UBR2: variants seen among roughly 807,000 people sequenced by gnomAD.
UBR2 encodes E3 ubiquitin-protein ligase UBR2.
A neutral mutation model predicts 247.9 loss-of-function variants in UBR2; 92 were observed. That is an observed-to-expected ratio of 0.37 (90% CI 0.31 to 0.44). The LOEUF is 0.44. UBR2 is among the 20% of genes least tolerant of loss of function. The pLI is 1.00. For synonymous variants in UBR2, 672 were observed against 693.5 expected (o/e 0.97, Z 0.49); for missense variants, 1,613 against 2,112.6 (o/e 0.76, Z 4.64).
intron 34 of UBR2, among the ~76,000 whole-genome samples, chr6:42,667,860 A>G (rs1798211857): frequency 6.6e-6 from 1 of 151,032 alleles, no homozygotes; most frequent in African/African-American, 2.4e-5. Flanking sequence ...CCGGGTTCAA[A>G]CAATTCTCCT....
In UBR2 at chr6:42,686,602, C is replaced by T. The variant is rs192271992; in HGVS notation, c.4854-1614C>T. 2.0e-5 allele frequency among the ~76,000 whole-genome samples: 3 copies of T among 152,398 alleles called. 1 individual carries two copies. In the East Asian group the frequency reaches 5.8e-4, roughly 29 times the overall value. On this transcript the variant is annotated intron_variant, in intron 44 of 46. Transcript: ENST00000372901. Reference sequence around the variant, plus strand: ...TCAATGAGCTGTTGGTTGCACCTCCCAGATGGGGTGGCGGCCAGGTAGAGA... The same window carrying T: ...TCAATGAGCTGTTGGTTGCACCTCCTAGATGGGGTGGCGGCCAGGTAGAGA...
At chr6:42,644,638 G>T (rs1796650602) in intron 20 of UBR2, 102 bp downstream of exon 20, 1 of 947,484 alleles carries the variant, frequency 1.1e-6, no homozygotes, top group East Asian at 2.5e-5. Context: ...TTGAGAGGAT[G>T]CTCAGTCTTA....
chr6:42,676,940 G>A (rs1050458034), intron 40 of UBR2, 67 bp downstream of exon 40: 3 of 1,319,766 alleles, frequency 2.3e-6, no homozygotes, highest in African/African-American at 2.9e-5. Flanking sequence ...CATGAGAAAG[G>A]AATTCGTTTG....
chr6:42,685,264 T>C (rs1352233963), intron 44 of UBR2, among the ~76,000 whole-genome samples: 1 of 152,142 alleles, frequency 6.6e-6, no homozygotes, highest in Non-Finnish European at 1.5e-5. Flanking sequence ...TGAGCCAAGA[T>C]TGAGCAATTA....
In UBR2 at chr6:42,691,239, G is replaced by GAA; in HGVS notation, c.*67_*68dup. ...CCCAGTTGGCTTTTTAAGAAAGAAA[G>GAA]AAGTTCTGCTGAATTTGGAAATAAA... On this transcript the variant is annotated 3_prime_UTR_variant, in exon 47 of 47. Transcript: ENST00000372901. The GAA allele has an allele frequency of 1.3e-6, 2 of 1,575,018 alleles. No homozygotes were observed. Among genetic ancestry groups the GAA allele is most frequent in the Non-Finnish European group, 1.7e-6 (2 of 1,163,514 alleles).
chr6:42,587,778 TTA>T (rs1792389819), intron 2 of UBR2, among the ~76,000 whole-genome samples: 1 of 152,246 alleles, frequency 6.6e-6, no homozygotes, highest in South Asian at 2.1e-4. Context: ...TTATCTCAGT[TTA>T]TGTTTATCTG....
At chr6:42,614,198 AAAAAAAAC>A (rs1164755552) in intron 8 of UBR2, among the ~76,000 whole-genome samples, 4,391 of 41,404 alleles carry the variant, frequency 0.11, 373 homozygotes, top group African/African-American at 0.16. Flanking sequence ...AAAAAAAAAA[AAAAAAAAC>A]TATATATATA....
chr6:42,659,021 C>G lies in UBR2; in HGVS notation c.3242+197C>G, dbSNP rs1214366376. Among the ~76,000 whole-genome samples the G allele has an allele frequency of 6.6e-6, 1 of 151,862 alleles. No individual in the cohort carries two copies. The highest frequency in any genetic ancestry group is 2.4e-5 in the African/African-American group (1 of 41,290). On this transcript the variant is annotated intron_variant, in intron 29 of 46. Coordinates refer to ENST00000372901, the MANE Select transcript of UBR2 (RefSeq NM_001363705.2). The surrounding 1 kb of genome is among the most constrained non-coding windows in gnomAD (Gnocchi z 4.3). Reference sequence around the variant, plus strand: ...TAGGTATGGTAAGTCCTGTGTACACCTGGTAGGGTATTTTCTGCAGAAGAC... The same window carrying G: ...TAGGTATGGTAAGTCCTGTGTACACGTGGTAGGGTATTTTCTGCAGAAGAC...
chr6:42,623,026 A>G (rs1211757053), intron 11 of UBR2, among the ~76,000 whole-genome samples: 1 of 152,138 alleles, frequency 6.6e-6, no homozygotes, highest in Admixed American at 6.6e-5. Flanking sequence ...TCATTCATGA[A>G]TAACAGCAGT....
chr6:42,679,626 CTT>C (rs1798912672), intron 41 of UBR2, 96 bp from the exon 42 acceptor site: 4 of 889,104 alleles, frequency 4.5e-6, no homozygotes, highest in Non-Finnish European at 7.1e-6. Flanking sequence ...AATTGGAAGT[CTT>C]TCATCCTTTT....
chr6:42,675,443 C>T (rs1307322645), intron 38 of UBR2, among the ~76,000 whole-genome samples: 1 of 152,190 alleles, frequency 6.6e-6, no homozygotes, highest in African/African-American at 2.4e-5. Flanking sequence ...GTTTTTTCAA[C>T]TGCCTACAGT....
intron 36 of UBR2, among the ~76,000 whole-genome samples, chr6:42,672,890 CT>C (rs1798526697): frequency 6.6e-6 from 1 of 152,120 alleles, no homozygotes; most frequent in African/African-American, 2.4e-5. Flanking sequence ...GAACCAAGAC[CT>C]AGTGTATATA....
rs1303199238 is a variant in UBR2, at chr6:42,614,404, GTATGTATGTACGTACGTACATATA to G, written c.986-651_986-628del. The stretch of plus-strand genomic sequence containing the variant: ...TATATGTATGTACGTACATACATAC[GTATGTATGTACGTACGTACATATA>G]TATGTATGTACGTACATATATATGT... On this transcript the variant is annotated intron_variant, in intron 8 of 46. Coordinates refer to ENST00000372901, the MANE Select transcript of UBR2 (RefSeq NM_001363705.2). Among the ~76,000 whole-genome samples, 210 of 114,320 alleles carry G rather than the reference GTATGTATGTACGTACGTACATATA, an allele frequency of 1.8e-3. 2 individuals carry two copies. The highest frequency in any genetic ancestry group is 3.5e-3 in the Admixed American group (40 of 11,480). The allele number at this position is 114,320 out of a possible 152,430, so 75.0% of individuals were successfully genotyped here.
intron 8 of UBR2, among the ~76,000 whole-genome samples, chr6:42,614,223 C>T (rs768076414): frequency 0.35 from 7,325 of 20,956 alleles, 1,346 homozygotes; most frequent in East Asian, 0.54. Context: ...TATATACACA[C>T]ACACACACAC....
chr6:42,683,554 A>G (rs1799178609), intron 43 of UBR2, among the ~76,000 whole-genome samples: 1 of 152,134 alleles, frequency 6.6e-6, no homozygotes, highest in Non-Finnish European at 1.5e-5. Context: ...TTTACATTCT[A>G]TTCTGATTCT....
At chr6:42,684,919 T>C (rs771543098) in intron 44 of UBR2, 48 bp downstream of exon 44, 17 of 1,480,158 alleles carry the variant, frequency 1.1e-5, no homozygotes, top group Middle Eastern at 1.7e-4. Flanking sequence ...TGGAAACACC[T>C]CTCTACAAAG....
At chr6:42,573,173 T>G (rs1791275261) in intron 1 of UBR2, among the ~76,000 whole-genome samples, 1 of 151,548 alleles carries the variant, frequency 6.6e-6, no homozygotes, top group African/African-American at 2.4e-5. Flanking sequence ...GAGAGAGAAG[T>G]TGATCAGAGA....
intron 24 of UBR2, among the ~76,000 whole-genome samples, 171 bp from the exon 25 acceptor site, chr6:42,652,320 G>T (rs1476894468): frequency 6.6e-6 from 1 of 152,154 alleles, no homozygotes; most frequent in East Asian, 1.9e-4. Context: ...CTTCTGTACT[G>T]CTGCTACTTT....
At chr6:42,657,282 T>G (rs1797499468) in intron 26 of UBR2, among the ~76,000 whole-genome samples, 1 of 152,030 alleles carries the variant, frequency 6.6e-6, no homozygotes, top group South Asian at 2.1e-4. Context: ...TTCTCTTTCC[T>G]TATTAAACAA....
Sources: gnomAD v4.1 joint callset for allele counts (sites outside exome capture counted in the v4.1 genomes callset) on GRCh38, gnomAD v4.1.1 for gene constraint, Gnocchi (gnomAD v3.1) non-coding constraint, MANE v1.5 for transcripts, NCBI Gene and HGNC (gene_info 2026-07-23, HGNC 2026-07-21) for gene names.